The following WAC variants were observed in gnomAD, a reference collection of about 807,000 sequenced individuals.
WAC encodes the protein WW domain containing adaptor with coiled-coil.
Under a neutral mutation model 79.6 loss-of-function variants are expected in WAC, and 11 were observed. The observed-to-expected ratio is 0.14, with a 90% CI of 0.09 to 0.23. WAC has a LOEUF of 0.23. WAC is among the 10% of genes least tolerant of loss of function. WAC has a pLI of 1.00. For synonymous variants in WAC, 304 were observed against 276.9 expected (o/e 1.10, Z -0.97); for missense variants, 728 against 773.5 (o/e 0.94, Z 0.70).
At chr10:28,541,471 G>A (rs1462055828) in intron 3 of WAC, among the ~76,000 whole-genome samples, 1 of 132,082 alleles carries the variant, frequency 7.6e-6, no homozygotes, top group African/African-American at 2.8e-5. Flanking sequence ...CTGTACCTAG[G>A]CTGGAGTGCA....
At chr10:28,617,533 T>A (rs1413986264) in intron 12 of WAC, 124 bp from the exon 13 acceptor site, 1 of 864,166 alleles carries the variant, frequency 1.2e-6, no homozygotes, top group Non-Finnish European at 1.6e-6. Context: ...CCAGCATTTT[T>A]GTGTATTGAA....
At chr10:28,555,585 A>G (rs996017062) in intron 3 of WAC, among the ~76,000 whole-genome samples, 2 of 152,088 alleles carry the variant, frequency 1.3e-5, no homozygotes, top group African/African-American at 4.8e-5. Flanking sequence ...GTGGGTGGAA[A>G]ATTACTAAGG....
At chr10:28,601,569 AAAAG>A (rs765524001) in intron 7 of WAC, among the ~76,000 whole-genome samples, 1 of 152,210 alleles carries the variant, frequency 6.6e-6, no homozygotes, top group Non-Finnish European at 1.5e-5. Context: ...ATACATACCC[AAAAG>A]AAAGGCAGAG....
rs1010370403 is a variant in WAC, at chr10:28,610,778, C to T, written c.1245C>T (p.Asn415=). 2 of 1,612,326 alleles carry T rather than the reference C, an allele frequency of 1.2e-6. No individual in the cohort carries two copies. Among genetic ancestry groups the T allele is most frequent in the African/African-American group, 2.7e-5 (2 of 74,796 alleles). Residue 415 remains asparagine (N), a synonymous_variant, in exon 9 of 14, where the codon AAC becomes AAT. Coordinates refer to ENST00000354911, the MANE Select transcript of WAC (RefSeq NM_016628.5). ...KFLTAGPSAF[N]ITSLISQAAQ... ...TTACTGCTGGACCATCTGCTTTCAA[C>T]ATAACGTCTCTGATTTCTCAAGCTG...
At chr10:28,596,116 T>G (rs1164800511) in intron 7 of WAC, 75 bp downstream of exon 7, 3 of 1,420,460 alleles carry the variant, frequency 2.1e-6, no homozygotes, top group Non-Finnish European at 2.8e-6. Context: ...ATATATTACA[T>G]TATTTCCTTT....
intron 3 of WAC, 63 bp from the exon 4 acceptor site, chr10:28,583,336 C>T: frequency 2.5e-6 from 3 of 1,211,014 alleles, no homozygotes; most frequent in Non-Finnish European, 3.5e-6. Flanking sequence ...TGATAGAAAA[C>T]AGTTTAGATT....
At chr10:28,586,260 G>A (rs756473836) in intron 4 of WAC, among the ~76,000 whole-genome samples, 5 of 152,222 alleles carry the variant, frequency 3.3e-5, no homozygotes, top group Middle Eastern at 6.8e-3. Flanking sequence ...AGATTAAGGC[G>A]TTAACATTTA....
In WAC at chr10:28,617,708, G is replaced by A. The variant is rs1467771664; in HGVS notation, c.1798G>A (p.Glu600Lys). The change falls in exon 13 of 14, where the codon GAA (glutamate) becomes AAA (lysine). Residue 600 changes from glutamate (E) to lysine (K), a missense_variant. Around this residue, in one of 3 missense-constraint regions of WAC, gnomAD observed 66 missense variants for 78.9 expected, o/e 0.84. Coordinates refer to ENST00000354911, the MANE Select transcript of WAC (RefSeq NM_016628.5). ...AHNMGTIHMS[E>K]ICTELKNLRS... ...TAACATGGGAACTATTCACATGTCC[G>A]AAATTTGTACTGAATTAAAAAATTT... 3.1e-6 allele frequency: 5 copies of A among 1,597,544 alleles called. No homozygotes were observed. Among genetic ancestry groups the A allele is most frequent in the South Asian group, 1.2e-5 (1 of 85,048 alleles).
At chr10:28,533,761 C>CGG (rs1836425672) in intron 1 of WAC, 141 bp downstream of exon 1, 2 of 768,438 alleles carry the variant, frequency 2.6e-6, no homozygotes, top group African/African-American at 3.8e-5. Flanking sequence ...GGAGCGGCCG[C>CGG]GCGGGCGGGC....
chr10:28,570,316 T>C (rs1005249659), intron 3 of WAC, among the ~76,000 whole-genome samples: 2 of 152,262 alleles, frequency 1.3e-5, no homozygotes, highest in African/African-American at 4.8e-5. Context: ...TATAGTGTGT[T>C]GTCTTAAAAC....
rs1206689495 is a variant in WAC, at chr10:28,622,389, G to A, written c.*2783G>A. On this transcript the variant is annotated 3_prime_UTR_variant, in exon 14 of 14. Coordinates refer to ENST00000354911, the MANE Select transcript of WAC (RefSeq NM_016628.5). Reference sequence around the variant, plus strand: ...ACTTTGAAAATAGAAGTACTGAATAGCCTCTAGGGAACTTGAGTGGCCTTT... The same window carrying A: ...ACTTTGAAAATAGAAGTACTGAATAACCTCTAGGGAACTTGAGTGGCCTTT... The A allele has an allele frequency of 9.0e-6, 1 of 111,338 alleles. No homozygotes were observed. The highest frequency in any genetic ancestry group is 3.4e-5 in the African/African-American group (1 of 29,242). 6.9% of individuals were successfully genotyped at this position (111,338 alleles called of 1,614,324 possible).
chr10:28,541,065 C>CAG lies in WAC; in HGVS notation c.274+5309_274+5310dup, dbSNP rs547791075. 3.0e-4 allele frequency among the ~76,000 whole-genome samples: 46 copies of CAG among 152,114 alleles called. No homozygotes were observed. The East Asian group carries it at 6.7e-3, about 22-fold the overall frequency. On this transcript the variant is annotated intron_variant, in intron 3 of 13. Transcript: ENST00000354911. ...TTTAATGGTATTTCTATTTTACAAT[C>CAG]AGTATTTTGGAATGAGTTCACTTAG... is the stretch of plus-strand genomic sequence containing the variant.
chr10:28,597,457 T>C (rs988386365), intron 7 of WAC, among the ~76,000 whole-genome samples: 1 of 152,172 alleles, frequency 6.6e-6, no homozygotes, highest in African/African-American at 2.4e-5. Context: ...TTTAACACTT[T>C]TTAACTCCTT....
At chr10:28,568,913 A>G (rs1838797157) in intron 3 of WAC, among the ~76,000 whole-genome samples, 1 of 152,220 alleles carries the variant, frequency 6.6e-6, no homozygotes. Context: ...ACACCCAGAT[A>G]AATAGTAATT....
At chr10:28,591,860 A>ATT (rs1840106537) in intron 6 of WAC, 1 of 145,600 alleles carries the variant, frequency 6.9e-6, no homozygotes. Context: ...AAAAAAAAAA[A>ATT]TTAACTGTCA....
In WAC at chr10:28,614,295, C is replaced by T. The variant is rs562575491; in HGVS notation, c.1438-272C>T. ...TAATTTTTTGTATTTTTAGTAGAGACGGGGTTTCACCGTGGTCTCGATCTC... is the reference window on the plus strand; with the variant it reads ...TAATTTTTTGTATTTTTAGTAGAGATGGGGTTTCACCGTGGTCTCGATCTC... On this transcript the variant is annotated intron_variant, in intron 10 of 13. Transcript: ENST00000354911. 7.4e-5 allele frequency among the ~76,000 whole-genome samples: 11 copies of T among 148,694 alleles called. No individual in the cohort carries two copies. The East Asian group carries it at 1.2e-3, about 16-fold the overall frequency.
chr10:28,535,493 T>C (rs1467604453), intron 2 of WAC, 69 bp from the exon 3 acceptor site: 1 of 1,460,706 alleles, frequency 6.8e-7, no homozygotes, highest in Non-Finnish European at 9.1e-7. Context: ...CACCAAAGTT[T>C]ATGTTTAAAT....
chr10:28,575,617 A>G (rs375595337), intron 3 of WAC, among the ~76,000 whole-genome samples: 1 of 152,202 alleles, frequency 6.6e-6, no homozygotes, highest in South Asian at 2.1e-4. Context: ...CGCTTTGGCA[A>G]TTTGTATGTC....
At chr10:28,562,207 C>T (rs1838336735) in intron 3 of WAC, among the ~76,000 whole-genome samples, 1 of 152,118 alleles carries the variant, frequency 6.6e-6, no homozygotes, top group African/African-American at 2.4e-5. Context: ...TAGGTGTGCG[C>T]AACCACATCT....
Sources: gnomAD v4.1 joint callset for allele counts (sites outside exome capture counted in the v4.1 genomes callset) on GRCh38, gnomAD v4.1.1 for gene constraint, gnomAD v4.1.1 regional missense constraint, MANE v1.5 for transcripts, NCBI Gene and HGNC (gene_info 2026-07-23, HGNC 2026-07-21) for gene names.